The following NUP62CL variants were observed in gnomAD, a reference collection of about 807,000 sequenced individuals.
The protein encoded by NUP62CL is nucleoporin-62 C-terminal-like protein.
In NUP62CL, 13 loss-of-function variants were observed where a neutral mutation model predicts 15.3. That is an observed-to-expected ratio of 0.85 (90% CI 0.55 to 1.35). NUP62CL has a LOEUF of 1.35. Ranked by LOEUF, NUP62CL falls within the 40% of genes most tolerant of loss-of-function variation. The pLI is 0.00. For missense variants in NUP62CL, 123 were observed against 130.6 expected (o/e 0.94, Z 0.28); for synonymous variants, 54 against 49.2 (o/e 1.10, Z -0.41).
At chrX:107,195,401 A>G (rs1298592597) in intron 1 of NUP62CL, among the ~76,000 whole-genome samples, 2 of 111,769 alleles carry the variant, frequency 1.8e-5, no homozygotes, top group Non-Finnish European at 3.8e-5. Context: ...ATCCATTATG[A>G]AAGTTTTGAT....
chrX:107,127,365 T>C (rs1925414535), intron 8 of NUP62CL, among the ~76,000 whole-genome samples: 1 of 111,957 alleles, frequency 8.9e-6, no homozygotes. Flanking sequence ...GTTCTAATAC[T>C]GGATTGTTTG....
chrX:107,185,461 G>A (rs1375242576), intron 2 of NUP62CL, among the ~76,000 whole-genome samples: 1 of 110,905 alleles, frequency 9.0e-6, no homozygotes, highest in Non-Finnish European at 1.9e-5. Context: ...AATGGGGAAG[G>A]GTTAAGGGAC....
intron 2 of NUP62CL, among the ~76,000 whole-genome samples, chrX:107,176,396 G>A (rs890109204): frequency 2.7e-5 from 3 of 111,368 alleles, no homozygotes; most frequent in African/African-American, 9.8e-5. Flanking sequence ...TATGCTAAAT[G>A]TAAGAAGCCA....
chrX:107,123,594 AAAG>A lies in NUP62CL; in HGVS notation c.*778_*780del, dbSNP rs1368285199. 5 of 111,623 alleles carry A rather than the reference AAAG, an allele frequency of 4.5e-5. No homozygotes were observed. The highest frequency in any genetic ancestry group is 7.5e-5 in the Non-Finnish European group (4 of 53,118). The allele number at this position is 111,623 out of a possible 1,213,427, so 9.2% of individuals were successfully genotyped here. A position where few individuals can be genotyped will look rare whatever the true frequency, so the allele number is the denominator to read the frequency against. On this transcript the variant is annotated 3_prime_UTR_variant, in exon 9 of 9. Transcript: ENST00000372466. ...CAAAACAAAACAAACAAACAAAAAA[AAAG>A]AAAAACAAACAAATATACGGAAATC...
intron 7 of NUP62CL, chrX:107,150,759 G>A (rs1384138996): frequency 2.0e-5 from 6 of 293,058 alleles, no homozygotes; most frequent in African/African-American, 5.5e-5. Context: ...TCGGCCTACC[G>A]AAGTGCTGGG....
intron 8 of NUP62CL, among the ~76,000 whole-genome samples, chrX:107,140,876 TG>T (rs1390520735): frequency 8.9e-6 from 1 of 111,859 alleles, no homozygotes; most frequent in Admixed American, 9.5e-5. Flanking sequence ...GCCATTGAGA[TG>T]GGCCCCAAAA....
chrX:107,178,530 T>G (rs975876330), intron 2 of NUP62CL, among the ~76,000 whole-genome samples: 1 of 112,424 alleles, frequency 8.9e-6, no homozygotes, highest in African/African-American at 3.2e-5. Context: ...TCTGCTGAAT[T>G]GAACCAACTT....
At chrX:107,172,698 GA>G (rs749785098) in intron 3 of NUP62CL, among the ~76,000 whole-genome samples, 46 of 107,209 alleles carry the variant, frequency 4.3e-4, no homozygotes, top group South Asian at 4.0e-4. Flanking sequence ...AACTTTTAGA[GA>G]AAAAAAAAAC....
chrX:107,128,508 C>G (rs1925439435), intron 8 of NUP62CL, among the ~76,000 whole-genome samples: 1 of 112,063 alleles, frequency 8.9e-6, no homozygotes, highest in Non-Finnish European at 1.9e-5. Context: ...AAGATATTAT[C>G]TCTATCAAGA....
At chrX:107,165,798 AG>A (rs1464815738) in intron 4 of NUP62CL, among the ~76,000 whole-genome samples, 2 of 111,837 alleles carry the variant, frequency 1.8e-5, no homozygotes, top group African/African-American at 6.5e-5. Context: ...AAAGCAATTC[AG>A]GGGGGAAGAT....
chrX:107,129,876 C>G (rs1925472203), intron 8 of NUP62CL, among the ~76,000 whole-genome samples: 2 of 111,687 alleles, frequency 1.8e-5, no homozygotes, highest in South Asian at 7.5e-4. Context: ...AGAGATAATA[C>G]TGAATTCATG....
intron 2 of NUP62CL, among the ~76,000 whole-genome samples, chrX:107,191,158 C>G (rs1189861570): frequency 1.0e-5 from 1 of 98,347 alleles, no homozygotes; most frequent in African/African-American, 3.8e-5. Flanking sequence ...TAATAGTTAT[C>G]TGACATATTA....
At chrX:107,160,689 C>A (rs1485135538) in intron 4 of NUP62CL, among the ~76,000 whole-genome samples, 1 of 110,595 alleles carries the variant, frequency 9.0e-6, no homozygotes, top group Non-Finnish European at 1.9e-5. Flanking sequence ...TAGAAGGAAA[C>A]CTAGGCATTA....
At chrX:107,133,493 C>T (rs1055971960) in intron 8 of NUP62CL, among the ~76,000 whole-genome samples, 2 of 111,232 alleles carry the variant, frequency 1.8e-5, no homozygotes, top group African/African-American at 6.5e-5. Flanking sequence ...CACCACCATG[C>T]CTGGCTGTTT....
At chrX:107,160,843 C>T (rs1926346670) in intron 4 of NUP62CL, among the ~76,000 whole-genome samples, 1 of 110,199 alleles carries the variant, frequency 9.1e-6, no homozygotes, top group African/African-American at 3.3e-5. Flanking sequence ...AGTGAACAGG[C>T]AACCTACAAC....
chrX:107,153,073 A>G, intron 7 of NUP62CL, 99 bp downstream of exon 7: 2 of 779,960 alleles, frequency 2.6e-6, no homozygotes, highest in Admixed American at 7.2e-5. Flanking sequence ...ACCGATTTGT[A>G]TTCCTTGCCT....
At chrX:107,201,106 A>G (rs146378794) in intron 1 of NUP62CL, among the ~76,000 whole-genome samples, 4,578 of 111,611 alleles carry the variant, frequency 0.041, 95 homozygotes, top group Non-Finnish European at 0.063. Context: ...TCATGGCCTC[A>G]CTCCACAGAA....
intron 4 of NUP62CL, among the ~76,000 whole-genome samples, chrX:107,157,767 C>G (rs938119175): frequency 4.5e-5 from 5 of 111,035 alleles, no homozygotes; most frequent in Admixed American, 2.9e-4. Context: ...GGATCAAATT[C>G]ACACATAACA....
At chrX:107,205,261 CAAG>C (rs1318491380) in intron 1 of NUP62CL, among the ~76,000 whole-genome samples, 3 of 111,496 alleles carry the variant, frequency 2.7e-5, no homozygotes, top group Non-Finnish European at 5.6e-5. Flanking sequence ...AACAAAAAAG[CAAG>C]AAGAAGGAGA....
Sources: gnomAD v4.1 joint callset for allele counts (sites outside exome capture counted in the v4.1 genomes callset) on GRCh38, gnomAD v4.1.1 for gene constraint, MANE v1.5 for transcripts, NCBI Gene and HGNC (gene_info 2026-07-23, HGNC 2026-07-21) for gene names.